ROBO1: variants seen among roughly 807,000 people sequenced by gnomAD.
ROBO1 encodes the protein roundabout homolog 1.
ROBO1 carries 149 observed loss-of-function variants against 195.9 expected under a neutral mutation model. The ratio of observed to expected loss-of-function variants is 0.76; its 90% confidence interval spans 0.67 to 0.87. The LOEUF (loss-of-function observed/expected upper bound fraction) is 0.87. Among genes scored for constraint, ROBO1 ranks in the 40% least tolerant of loss-of-function variants. The pLI is 0.00. For missense variants in ROBO1, 1,933 were observed against 2,068.3 expected, an observed-to-expected ratio of 0.93 and a Z score of 1.27; for synonymous variants, 816 against 733.2, an observed-to-expected ratio of 1.11 and a Z score of -1.82.
chr3:78,656,615 T>C (rs1387649496), intron 18 of ROBO1, among the ~76,000 whole-genome samples: 1 of 151,996 alleles, frequency 6.6e-6, no homozygotes, highest in Non-Finnish European at 1.5e-5. Context: ...CCTCCCAGAG[T>C]GTTGGGATTA....
intron 2 of ROBO1, among the ~76,000 whole-genome samples, chr3:79,392,052 C>A (rs1304387350): frequency 6.6e-6 from 1 of 152,196 alleles, no homozygotes; most frequent in Admixed American, 6.5e-5. Context: ...GTCCAGATCT[C>A]TTTTGTTCAG....
At chr3:79,321,540 T>C (rs1036764019) in intron 2 of ROBO1, among the ~76,000 whole-genome samples, 1 of 152,212 alleles carries the variant, frequency 6.6e-6, no homozygotes, top group Non-Finnish European at 1.5e-5. Context: ...CTCTTCGTCA[T>C]TTATTCAAAG....
chr3:78,798,709 C>T (rs377321951), intron 4 of ROBO1, among the ~76,000 whole-genome samples: 3 of 152,128 alleles, frequency 2.0e-5, no homozygotes, highest in African/African-American at 7.2e-5. Flanking sequence ...GGAACACAGA[C>T]ATGTCAAAAC....
chr3:79,117,467 G>A (rs2080027589), intron 3 of ROBO1, among the ~76,000 whole-genome samples: 1 of 152,130 alleles, frequency 6.6e-6, no homozygotes, highest in South Asian at 2.1e-4. Flanking sequence ...AGAATCCTGT[G>A]TCAAGATGGG....
At chr3:79,116,419 C>CT (rs368295417) in intron 3 of ROBO1, among the ~76,000 whole-genome samples, 1 of 145,582 alleles carries the variant, frequency 6.9e-6, no homozygotes, top group African/African-American at 2.5e-5. Flanking sequence ...CCTTCCTTCT[C>CT]TATTTTCTTT....
rs555174047 is a variant in ROBO1 at position 79,362,732 on chromosome 3, C to T, written c.88+227092G>A. Among the ~76,000 whole-genome samples the T allele has an allele frequency of 2.2e-4, 33 of 152,170 alleles. No individual in the cohort carries two copies. In the South Asian group the frequency reaches 4.6e-3, roughly 21 times the overall value. ...TTTCCTGAGACTCCAATTAACTTTA[C>T]GAAATTTCTCTTCAGGGAAAAAATC... On this transcript the variant is annotated intron_variant, in intron 2 of 30. Coordinates refer to ENST00000464233, the MANE Select transcript of ROBO1 (RefSeq NM_002941.4).
chr3:78,997,319 C>T (rs10084694), intron 3 of ROBO1, among the ~76,000 whole-genome samples: 3,710 of 152,196 alleles, frequency 0.024, 161 homozygotes, highest in African/African-American at 0.085. Flanking sequence ...GATTGTTTCT[C>T]TGACCACTAG....
chr3:79,645,131 C>T (rs973934020), intron 1 of ROBO1, among the ~76,000 whole-genome samples: 1 of 151,974 alleles, frequency 6.6e-6, no homozygotes, highest in African/African-American at 2.4e-5. Context: ...AATGAACAAC[C>T]CAATGATGTA....
At chr3:79,503,977 G>A (rs536580247) in intron 2 of ROBO1, among the ~76,000 whole-genome samples, 5 of 152,216 alleles carry the variant, frequency 3.3e-5, no homozygotes, top group South Asian at 4.1e-4. Flanking sequence ...ACTCCTGGTT[G>A]ACAGAACTCC....
chr3:79,328,025 T>C, intron 2 of ROBO1, among the ~76,000 whole-genome samples: 1 of 152,212 alleles, frequency 6.6e-6, no homozygotes, highest in East Asian at 1.9e-4. Context: ...TAAGAGCTAT[T>C]AACCAAGTAT....
chr3:79,406,296 T>A (rs1479770772), intron 2 of ROBO1, among the ~76,000 whole-genome samples: 3 of 150,652 alleles, frequency 2.0e-5, no homozygotes, highest in African/African-American at 7.3e-5. Flanking sequence ...GGCATGATGG[T>A]ACATGTCCGT....
At chr3:79,263,369 C>T (rs1440327133) in intron 2 of ROBO1, among the ~76,000 whole-genome samples, 1 of 152,046 alleles carries the variant, frequency 6.6e-6, no homozygotes, top group East Asian at 1.9e-4. Flanking sequence ...AAGATCAGGG[C>T]TGGGTGCCAT....
intron 2 of ROBO1, among the ~76,000 whole-genome samples, chr3:79,521,848 G>A (rs1421779305): frequency 6.6e-6 from 1 of 152,084 alleles, no homozygotes; most frequent in African/African-American, 2.4e-5. Context: ...GCTGGTTCCA[G>A]GATGCTACCT....
At chr3:78,788,418 T>A (rs528454717) in intron 4 of ROBO1, among the ~76,000 whole-genome samples, 5 of 117,370 alleles carry the variant, frequency 4.3e-5, no homozygotes, top group African/African-American at 1.6e-4. Flanking sequence ...GCTCCCAGCC[T>A]CTCTTTTCTT....
intron 2 of ROBO1, among the ~76,000 whole-genome samples, chr3:79,294,678 G>A (rs1336989318): frequency 3.9e-5 from 6 of 152,040 alleles, no homozygotes; most frequent in African/African-American, 1.5e-4. Flanking sequence ...CAGAATGGGA[G>A]AAAATTTTTG....
intron 2 of ROBO1, among the ~76,000 whole-genome samples, chr3:79,345,588 A>G (rs1467112915): frequency 2.0e-5 from 3 of 152,142 alleles, no homozygotes; most frequent in East Asian, 3.9e-4. Context: ...ACTGTCCCTC[A>G]GGCACACAAA....
chr3:78,845,224 A>C (rs1213777304), intron 4 of ROBO1, among the ~76,000 whole-genome samples: 1 of 149,728 alleles, frequency 6.7e-6, no homozygotes, highest in Admixed American at 6.6e-5. Flanking sequence ...AAAAGTGTAG[A>C]TCTCTCATGA....
At chr3:79,397,395 C>T (rs1346991866) in intron 2 of ROBO1, among the ~76,000 whole-genome samples, 1 of 152,032 alleles carries the variant, frequency 6.6e-6, no homozygotes, top group African/African-American at 2.4e-5. Context: ...AGTCAGTAAA[C>T]ATCTCAGCAT....
chr3:78,620,704 T>C (rs1207628134), intron 26 of ROBO1, among the ~76,000 whole-genome samples: 1 of 152,116 alleles, frequency 6.6e-6, no homozygotes, highest in Non-Finnish European at 1.5e-5. Flanking sequence ...AATAACTTTT[T>C]GAGTTACTTT....
Sources: allele counts gnomAD v4.1 joint callset (sites outside exome capture counted in the v4.1 genomes callset), GRCh38; gene constraint gnomAD v4.1.1; transcripts MANE v1.5; gene names NCBI Gene and HGNC (gene_info 2026-07-23, HGNC 2026-07-21).